IFT122: variants seen among roughly 807,000 people sequenced by gnomAD.
IFT122 encodes intraflagellar transport 122, also known as intraflagellar transport protein 122 homolog.
In IFT122, 118 loss-of-function variants were observed where a neutral mutation model predicts 161.6. That is an observed-to-expected ratio of 0.73 (90% CI 0.63 to 0.85). The LOEUF is 0.85. Among genes scored for constraint, IFT122 ranks in the 40% least tolerant of loss-of-function variants. The pLI is 0.00. For missense variants in IFT122, 1,381 were observed against 1,579.6 expected, an observed-to-expected ratio of 0.87 and a Z score of 2.13; for synonymous variants, 550 against 602.4, an observed-to-expected ratio of 0.91 and a Z score of 1.27.
chr3:129,517,846 CCT>C (rs1560030458), intron 27 of IFT122, among the ~76,000 whole-genome samples: 1 of 152,218 alleles, frequency 6.6e-6, no homozygotes, highest in Non-Finnish European at 1.5e-5. Context: ...CCCACCCTCC[CCT>C]GACCCCTAAA....
intron 14 of IFT122, among the ~76,000 whole-genome samples, chr3:129,482,705 C>T (rs2078820008): frequency 6.6e-6 from 1 of 152,166 alleles, no homozygotes; most frequent in East Asian, 1.9e-4. Flanking sequence ...GGCTTGGGTC[C>T]TGCCTGCATC....
intron 20 of IFT122, 168 bp from the exon 21 acceptor site, chr3:129,504,150 CT>C (rs1443457687): frequency 3.2e-6 from 2 of 626,770 alleles, no homozygotes; most frequent in Non-Finnish European, 5.7e-6. Flanking sequence ...TTTCGAAGAG[CT>C]GATTTGTTTT....
At chr3:129,459,946 A>G (rs1211398881) in intron 4 of IFT122, among the ~76,000 whole-genome samples, 4 of 151,550 alleles carry the variant, frequency 2.6e-5, no homozygotes, top group East Asian at 1.9e-4. Context: ...TTTTCTTGGT[A>G]GAGACAGGGT....
chr3:129,496,607 C>T (rs778712952), intron 18 of IFT122, among the ~76,000 whole-genome samples: 14 of 152,112 alleles, frequency 9.2e-5, no homozygotes, highest in Non-Finnish European at 1.8e-4. Context: ...CCTGTTCGAC[C>T]CTGGGGCTGA....
Position 129,502,792 on chromosome 3 carries a change from C to T in IFT122, c.2457C>T (p.Asp819=), listed in dbSNP as rs1232196825. The T allele has an allele frequency of 1.2e-6, 2 of 1,613,072 alleles. No homozygotes were observed. The highest frequency in any genetic ancestry group is 1.6e-4 in the Middle Eastern group (1 of 6,084). The change falls in exon 20 of 30, where the codon GAC becomes GAT. Residue 819 remains aspartate, a synonymous_variant. Coordinates refer to ENST00000348417, the MANE Select transcript of IFT122 (RefSeq NM_052989.3). ...GCGCTACCTACCTCAAGAAGCTGGACAGCCCTGGCTATGCTGCTGAGACCT... is the reference window on the plus strand; with the variant it reads ...GCGCTACCTACCTCAAGAAGCTGGATAGCCCTGGCTATGCTGCTGAGACCT... The part of the protein sequence containing the change: ...LLCATYLKKL[D]SPGYAAETYL...
chr3:129,516,518 CGT>C (rs1241193760), intron 26 of IFT122, among the ~76,000 whole-genome samples: 5 of 135,058 alleles, frequency 3.7e-5, no homozygotes, highest in East Asian at 2.4e-4. Flanking sequence ...ACTGCCCCTG[CGT>C]GCACACACAG....
chr3:129,493,335 G>A (rs191528594), intron 17 of IFT122, among the ~76,000 whole-genome samples: 26 of 152,298 alleles, frequency 1.7e-4, no homozygotes, highest in African/African-American at 6.0e-4. Flanking sequence ...CCCTTGTGCC[G>A]AGCTCAGTGG....
chr3:129,461,991 C>T (rs1053110593), intron 5 of IFT122, among the ~76,000 whole-genome samples: 1 of 152,170 alleles, frequency 6.6e-6, no homozygotes, highest in Non-Finnish European at 1.5e-5. Context: ...CTAGTGGATA[C>T]AATGAAGTCA....
In IFT122 at chr3:129,465,943, GC is replaced by G. The variant is rs1378308158; in HGVS notation, c.564-946del. 2.0e-5 allele frequency among the ~76,000 whole-genome samples: 3 copies of G among 151,352 alleles called. 1 individual carries two copies. The highest frequency in any genetic ancestry group is 7.3e-5 in the African/African-American group (3 of 40,986). On this transcript the variant is annotated intron_variant, in intron 7 of 29. Transcript: ENST00000348417. ...AGGCGTGAGCCACCGCGCACGCCTGGCTAATTTTTTGTTGCCACCACACCTG... is the reference window on the plus strand; with the variant it reads ...AGGCGTGAGCCACCGCGCACGCCTGGTAATTTTTTGTTGCCACCACACCTG...
At chr3:129,472,283 A>C (rs1015991624) in intron 9 of IFT122, among the ~76,000 whole-genome samples, 1 of 152,070 alleles carries the variant, frequency 6.6e-6, no homozygotes, top group African/African-American at 2.4e-5. Flanking sequence ...CCTTCCAAGT[A>C]GCTGGGACTA....
intron 18 of IFT122, 93 bp downstream of exon 18, chr3:129,495,700 G>C (rs1263427072): frequency 2.1e-6 from 3 of 1,399,268 alleles, no homozygotes; most frequent in Non-Finnish European, 3.0e-6. Flanking sequence ...AGAGTGCTGC[G>C]GACAAAAACT....
At chr3:129,457,288 G>A (rs375959003) in intron 3 of IFT122, among the ~76,000 whole-genome samples, 3 of 152,156 alleles carry the variant, frequency 2.0e-5, no homozygotes, top group Non-Finnish European at 2.9e-5. Flanking sequence ...ATGAAAATGC[G>A]AATCTGATCT....
At chr3:129,511,750 G>T (rs374940598) in intron 23 of IFT122, among the ~76,000 whole-genome samples, 1 of 152,200 alleles carries the variant, frequency 6.6e-6, no homozygotes, top group African/African-American at 2.4e-5. Context: ...GAGGAACTCC[G>T]CATGTGTGCT....
chr3:129,445,686 C>T (rs1184628334), intron 1 of IFT122, among the ~76,000 whole-genome samples: 1 of 152,188 alleles, frequency 6.6e-6, no homozygotes, highest in Non-Finnish European at 1.5e-5. Context: ...GAAATCCTGG[C>T]CCTTGCACTT....
chr3:129,458,566 A>G, intron 3 of IFT122, 33 bp from the exon 4 acceptor site: 1 of 1,566,690 alleles, frequency 6.4e-7, no homozygotes, highest in East Asian at 2.2e-5. Context: ...TTTAAGATAA[A>G]TGTAAGACTT....
chr3:129,458,797 T>C, intron 4 of IFT122, 120 bp downstream of exon 4: 1 of 768,982 alleles, frequency 1.3e-6, no homozygotes, highest in Non-Finnish European at 2.3e-6. Flanking sequence ...TGAAATTAAG[T>C]TGTGGGTGTG....
chr3:129,478,189 G>A lies in IFT122; in HGVS notation c.1321G>A (p.Val441Met), dbSNP rs2078182852. The A allele has an allele frequency of 1.2e-6, 2 of 1,614,200 alleles. No homozygotes were observed. The highest frequency in any genetic ancestry group is 1.7e-5 in the Admixed American group (1 of 60,036). The stretch of plus-strand genomic sequence containing the variant: ...GAAGTTTGAGTGCAACCTCCTGGTG[G>A]TGTGTGCCAATCACATCATCCTGTG... ...IKKFECNLLV[V>M]CANHIILCQE... is the part of the protein sequence containing the mutation. Residue 441 changes from valine to methionine, a missense_variant, in exon 12 of 30, where the codon GTG (valine) becomes ATG (methionine). Val to Met is a conservative substitution (Grantham distance 21). Coordinates refer to ENST00000348417, the MANE Select transcript of IFT122 (RefSeq NM_052989.3).
rs1559981201 is a variant in IFT122, at chr3:129,502,845, T to C, written c.2510T>C (p.Leu837Pro). ...CTGAAGATGGGTGACCTCAAGTCCC[T>C]GGTGCAGCTGCACGTGGAGACCCAG... ...TYLKMGDLKS[L>P]VQLHVETQRW... The change falls in exon 20 of 30, where the codon CTG (leucine) becomes CCG (proline). Residue 837 changes from leucine (L) to proline (P), a missense_variant. Coordinates refer to ENST00000348417, the MANE Select transcript of IFT122 (RefSeq NM_052989.3). The C allele has an allele frequency of 6.2e-7, 1 of 1,612,498 alleles. No individual in the cohort carries two copies. The highest frequency in any genetic ancestry group is 1.7e-5 in the Admixed American group (1 of 60,024).
At chr3:129,453,280 A>G (rs1559847432) in intron 3 of IFT122, among the ~76,000 whole-genome samples, 2 of 152,236 alleles carry the variant, frequency 1.3e-5, no homozygotes, top group East Asian at 3.9e-4. Context: ...GAAATTCTCA[A>G]TTCCATTTTT....
Sources: allele counts gnomAD v4.1 joint callset (sites outside exome capture counted in the v4.1 genomes callset), GRCh38; gene constraint gnomAD v4.1.1; transcripts MANE v1.5; gene names NCBI Gene and HGNC (gene_info 2026-07-23, HGNC 2026-07-21).